The following SLC35D2 variants were observed in gnomAD, a reference collection of about 807,000 sequenced individuals.
The protein encoded by SLC35D2 is nucleotide sugar transporter SLC35D2.
Under a neutral mutation model 41.8 loss-of-function variants are expected in SLC35D2, and 43 were observed. The observed-to-expected ratio is 1.03, with a 90% CI of 0.81 to 1.33. The LOEUF (loss-of-function observed/expected upper bound fraction) is 1.33. Among genes scored for constraint, SLC35D2 ranks in the 40% most tolerant of loss-of-function variants. The pLI, the probability that SLC35D2 is intolerant of heterozygous loss-of-function variation, is 0.00. For synonymous variants in SLC35D2, 150 were observed against 163.9 expected (o/e 0.92, Z 0.65); for missense variants, 380 against 408.4 (o/e 0.93, Z 0.60).
chr9:96,383,146 A>G (rs1197828338), intron 1 of SLC35D2, among the ~76,000 whole-genome samples: 3 of 152,172 alleles, frequency 2.0e-5, no homozygotes, highest in African/African-American at 7.2e-5. Context: ...TGTGTAAGGA[A>G]TTGCGTCCTT....
intron 9 of SLC35D2, among the ~76,000 whole-genome samples, chr9:96,329,558 C>G (rs1828713742): frequency 6.6e-6 from 1 of 152,144 alleles, no homozygotes; most frequent in Admixed American, 6.6e-5. Context: ...CCTGCATTTT[C>G]ACATCTATGA....
chr9:96,327,653 A>C, intron 9 of SLC35D2, among the ~76,000 whole-genome samples: 2 of 147,346 alleles, frequency 1.4e-5, no homozygotes, highest in African/African-American at 2.5e-5. Context: ...ATGGGGTCTC[A>C]CTCTTTCGCC....
chr9:96,368,146 C>T (rs982341604), intron 2 of SLC35D2, 126 bp downstream of exon 2: 17 of 609,340 alleles, frequency 2.8e-5, no homozygotes, highest in Non-Finnish European at 4.1e-5. Flanking sequence ...CCAGGAGTAC[C>T]ATGACCCTCT....
At chr9:96,379,306 C>CAAA (rs35181002) in intron 1 of SLC35D2, among the ~76,000 whole-genome samples, 1 of 122,424 alleles carries the variant, frequency 8.2e-6, no homozygotes, top group Non-Finnish European at 1.7e-5. Flanking sequence ...GACCCTGTCT[C>CAAA]AAAAAAAAAA....
rs1436802661 is a variant in SLC35D2, at chr9:96,321,178, T to G, written c.*64A>C. ...GAATCCGAAACCTCTGGCTTCACAT[T>G]CCTACTGGGAATGCCCCCCCAGCCC... On this transcript the variant is annotated 3_prime_UTR_variant, in exon 12 of 12. Transcript: ENST00000253270. The G allele has an allele frequency of 1.6e-6, 2 of 1,253,500 alleles. No individual in the cohort carries two copies. Among genetic ancestry groups the G allele is most frequent in the Non-Finnish European group, 2.3e-6 (2 of 860,488 alleles). The allele number at this position is 1,253,500 out of a possible 1,614,324, so 77.6% of individuals were successfully genotyped here.
At chr9:96,342,613 G>A (rs13291691) in intron 8 of SLC35D2, among the ~76,000 whole-genome samples, 4,000 of 152,252 alleles carry the variant, frequency 0.026, 78 homozygotes, top group Middle Eastern at 0.054. Flanking sequence ...GGTTCACAAC[G>A]TTCTAAATAA....
At chr9:96,376,413 T>C (rs1830960760) in intron 1 of SLC35D2, among the ~76,000 whole-genome samples, 1 of 151,354 alleles carries the variant, frequency 6.6e-6, no homozygotes, top group Non-Finnish European at 1.5e-5. Context: ...GAGACCAGCC[T>C]GGCCAATATG....
At chr9:96,357,133 G>A (rs771796451) in intron 4 of SLC35D2, among the ~76,000 whole-genome samples, 11 of 152,068 alleles carry the variant, frequency 7.2e-5, no homozygotes, top group South Asian at 2.1e-4. Context: ...AGCCGAGATC[G>A]TGCCATTGCA....
At chr9:96,378,305 C>T (rs1831042559) in intron 1 of SLC35D2, among the ~76,000 whole-genome samples, 1 of 151,490 alleles carries the variant, frequency 6.6e-6, no homozygotes, top group South Asian at 2.1e-4. Flanking sequence ...CGATGGTGTG[C>T]ACCTGCAGTC....
At chr9:96,368,127 G>C in intron 2 of SLC35D2, 145 bp downstream of exon 2, 1 of 541,348 alleles carries the variant, frequency 1.8e-6, no homozygotes, top group Non-Finnish European at 3.3e-6. Flanking sequence ...AATATGTCCT[G>C]TTGTCTCACC....
chr9:96,331,399 C>T (rs7018473), intron 9 of SLC35D2, among the ~76,000 whole-genome samples: 48,264 of 151,938 alleles, frequency 0.32, 7,847 homozygotes, highest in Admixed American at 0.37. Flanking sequence ...ACATGTAACA[C>T]GTGGATTCAG....
At chr9:96,382,992 T>C (rs946954593) in intron 1 of SLC35D2, among the ~76,000 whole-genome samples, 3 of 152,182 alleles carry the variant, frequency 2.0e-5, no homozygotes, top group Non-Finnish European at 4.4e-5. Flanking sequence ...TGCGTTTACT[T>C]CACACTAATC....
intron 9 of SLC35D2, among the ~76,000 whole-genome samples, chr9:96,335,325 G>C (rs1828998607): frequency 6.6e-6 from 1 of 152,182 alleles, no homozygotes; most frequent in African/African-American, 2.4e-5. Context: ...AGGCGAGGAA[G>C]AATGGAGGGG....
At chr9:96,381,084 G>A (rs903241287) in intron 1 of SLC35D2, among the ~76,000 whole-genome samples, 7 of 152,216 alleles carry the variant, frequency 4.6e-5, no homozygotes, top group Non-Finnish European at 1.0e-4. Context: ...TGCCAGTACT[G>A]TCAGTTCTCC....
Position 96,345,421 on chromosome 9 carries a change from G to T in SLC35D2, c.489-20C>A. ...TCAGACCTGGGAGGGAGACCACAAA[G>T]GGAGAATGATTACTCAAAAACTCAC... On this transcript the variant is annotated intron_variant, in intron 6 of 11. Transcript: ENST00000253270. 1 of 1,390,960 alleles carries T rather than the reference G, an allele frequency of 7.2e-7. No individual in the cohort carries two copies. The highest frequency in any genetic ancestry group is 1.2e-5 in the South Asian group (1 of 84,282). 86.2% of individuals were successfully genotyped at this position (1,390,960 alleles called of 1,614,324 possible).
intron 3 of SLC35D2, among the ~76,000 whole-genome samples, chr9:96,362,114 T>C (rs1830301771): frequency 6.6e-6 from 1 of 152,210 alleles, no homozygotes; most frequent in African/African-American, 2.4e-5. Flanking sequence ...CAGATGAATT[T>C]CACCATCATA....
chr9:96,315,558 C>T (rs1003376617), intron 11 of SLC35D2, among the ~76,000 whole-genome samples: 1 of 151,920 alleles, frequency 6.6e-6, no homozygotes. Context: ...CTCAGCCTCC[C>T]GAGTAGCTGG....
downstream of SLC35D2, among the ~76,000 whole-genome samples, chr9:96,319,417 T>G (rs898645494): frequency 1.3e-5 from 2 of 152,096 alleles, no homozygotes; most frequent in African/African-American, 4.8e-5. Flanking sequence ...AGAGGTAGGT[T>G]GCACAATCAG....
intron 1 of SLC35D2, among the ~76,000 whole-genome samples, chr9:96,368,765 T>TAC (rs556496513): frequency 0.02 from 3,054 of 149,864 alleles, 74 homozygotes; most frequent in African/African-American, 0.063. Flanking sequence ...TATATATATA[T>TAC]ACACACACAC....
Sources: allele counts gnomAD v4.1 joint callset (sites outside exome capture counted in the v4.1 genomes callset), GRCh38; gene constraint gnomAD v4.1.1; transcripts MANE v1.5; gene names NCBI Gene and HGNC (gene_info 2026-07-23, HGNC 2026-07-21).